The following TAF1C variants were observed in gnomAD, a reference collection of about 807,000 sequenced individuals.
TAF1C encodes TATA box-binding protein-associated factor RNA polymerase I subunit C.
TAF1C carries 79 observed loss-of-function variants against 70.5 expected under a neutral mutation model. The observed-to-expected ratio is 1.12, with a 90% confidence interval of 0.93 to 1.35. The LOEUF (loss-of-function observed/expected upper bound fraction) is 1.35, where lower values mean the gene tolerates loss of function less well. Among genes scored for constraint, TAF1C ranks in the 40% most tolerant of loss-of-function variants. The pLI, the probability that TAF1C is intolerant of heterozygous loss-of-function variation, is 0.00. For missense variants in TAF1C, 1,412 were observed against 1,127.8 expected (o/e 1.25, Z -3.61); for synonymous variants, 614 against 491.1 (o/e 1.25, Z -3.31).
rs754100485 is a variant in TAF1C at position 84,181,042 on chromosome 16, C to G, written c.1308+1G>C. Reference sequence around the variant, plus strand: ...GCGGGGCGGTGTTGTGTGCCACTCACCTGGGTACAGACGAGATGAAGAGTA... The same window carrying G: ...GCGGGGCGGTGTTGTGTGCCACTCAGCTGGGTACAGACGAGATGAAGAGTA... On this transcript the variant is annotated splice_donor_variant, in intron 12 of 14. Transcript: ENST00000566732. LOFTEE classifies it high-confidence loss of function. 1 of 1,604,422 alleles carries G rather than the reference C, an allele frequency of 6.2e-7. No homozygotes were observed.
rs1010247373 is a variant in TAF1C, at chr16:84,182,653, T to C, written c.483-213A>G. Reference sequence around the variant, plus strand: ...ATTCCATTGCCCTTGCCACAGTGACTGGTTCACAGATGGGTGTGAGACCCA... The same window carrying C: ...ATTCCATTGCCCTTGCCACAGTGACCGGTTCACAGATGGGTGTGAGACCCA... On this transcript the variant is annotated intron_variant, in intron 6 of 14. Coordinates refer to ENST00000566732, the MANE Select transcript of TAF1C (RefSeq NM_001243156.2). The surrounding 1 kb of genome is among the most constrained non-coding windows in gnomAD (Gnocchi z 5.0). Among the ~76,000 whole-genome samples the C allele has an allele frequency of 6.6e-6, 1 of 152,218 alleles. No homozygotes were observed. Among genetic ancestry groups the C allele is most frequent in the Non-Finnish European group, 1.5e-5 (1 of 68,032 alleles).
In TAF1C at chr16:84,179,621, G is replaced by C; in HGVS notation, c.1852C>G (p.Leu618Val). The change falls in exon 15 of 15, where the codon CTA (leucine) becomes GTA (valine). Residue 618 changes from leucine (L) to valine (V), a missense_variant. By Grantham distance (32) the Leu-to-Val change is conservative. Coordinates refer to ENST00000566732, the MANE Select transcript of TAF1C (RefSeq NM_001243156.2). Reference sequence around the variant, plus strand: ...ACAGGAGGAGCCAGGGGCACTTTTAGCAGGGCCTTCAGCCACTGGCTGCAG... The same window carrying C: ...ACAGGAGGAGCCAGGGGCACTTTTACCAGGGCCTTCAGCCACTGGCTGCAG... ...AGCSQWLKAL[L>V]KVPLAPPVWT... 1 of 1,612,652 alleles carries C rather than the reference G, an allele frequency of 6.2e-7. No homozygotes were observed. Among genetic ancestry groups the C allele is most frequent in the Non-Finnish European group, 8.5e-7 (1 of 1,179,890 alleles).
rs545963271 is a variant in TAF1C at position 84,181,361 on chromosome 16, A to C, written c.1131T>G (p.Gly377=). 6.2e-6 allele frequency: 10 copies of C among 1,613,710 alleles called. No homozygotes were observed. The South Asian group carries it at 1.1e-4, about 18-fold the overall frequency. The change falls in exon 11 of 15, where the codon GGT becomes GGG. Residue 377 remains glycine (G), a synonymous_variant. Coordinates refer to ENST00000566732, the MANE Select transcript of TAF1C (RefSeq NM_001243156.2). ...CCAGCATCTTCACTCCGGTGCGGTC[A>C]CCCACGGTCAGCACCCGAGGGTGCG... The part of the protein sequence containing the change: ...FTAHPRVLTV[G]DRTGVKMLDT...
chr16:84,181,948 C>T lies in TAF1C; in HGVS notation c.832G>A (p.Gly278Arg). Residue 278 changes from glycine to arginine, a missense_variant, in exon 8 of 15, where the codon GGA becomes AGA. Physicochemically the swap from Gly to Arg is moderately radical, Grantham distance 125 (BLOSUM62 -2). Coordinates refer to ENST00000566732, the MANE Select transcript of TAF1C (RefSeq NM_001243156.2). ...GTGTATATAAGGGCCTTACTTTCTCCCTGGACGGTGCATGTCACCACTTGC... is the reference window on the plus strand; with the variant it reads ...GTGTATATAAGGGCCTTACTTTCTCTCTGGACGGTGCATGTCACCACTTGC... ...VRQVVTCTVQ[G>R]ETLLAVRSDY... The T allele has an allele frequency of 1.2e-6, 2 of 1,613,986 alleles. No individual in the cohort carries two copies. Among genetic ancestry groups the T allele is most frequent in the South Asian group, 1.1e-5 (1 of 91,084 alleles).
intron 2 of TAF1C, among the ~76,000 whole-genome samples, chr16:84,184,480 C>G (rs1032655407): frequency 6.6e-6 from 1 of 152,236 alleles, no homozygotes; most frequent in African/African-American, 2.4e-5. Context: ...CCCAACCCTA[C>G]TATGCTGTTT....
chr16:84,184,333 G>C (rs1291467667), intron 2 of TAF1C, among the ~76,000 whole-genome samples: 3 of 152,100 alleles, frequency 2.0e-5, no homozygotes, highest in Non-Finnish European at 2.9e-5. Flanking sequence ...CTTTTTATTT[G>C]CTCACCCACT....
At chr16:84,180,941 G>GGT in intron 12 of TAF1C, 102 bp downstream of exon 12, 1 of 1,463,104 alleles carries the variant, frequency 6.8e-7, no homozygotes. Context: ...TGGTTTGCTG[G>GGT]GTGGTTGTCT....
In TAF1C at chr16:84,179,360, C is replaced by T. The variant is rs980601428; in HGVS notation, c.2113G>A (p.Ala705Thr). The T allele has an allele frequency of 1.2e-5, 19 of 1,600,634 alleles. 1 individual carries two copies. Among genetic ancestry groups the T allele is most frequent in the Non-Finnish European group, 1.6e-5 (19 of 1,179,082 alleles). Residue 705 changes from alanine to threonine, a missense_variant, in exon 15 of 15, where the codon GCC becomes ACC. By Grantham distance (58) the Ala-to-Thr change is moderately conservative. Coordinates refer to ENST00000566732, the MANE Select transcript of TAF1C (RefSeq NM_001243156.2). Reference protein sequence around the residue: ...LGEAWAGRGAAWWERQQGRTS... With the variant: ...LGEAWAGRGATWWERQQGRTS... ...CTGCCCTGCTGCCTCTCCCACCAGGCAGCCCCTCGGCCTGCCCAGGCTTCC... is the reference window on the plus strand; with the variant it reads ...CTGCCCTGCTGCCTCTCCCACCAGGTAGCCCCTCGGCCTGCCCAGGCTTCC...
rs1305834119 is a variant in TAF1C at position 84,178,263 on chromosome 16, C to T, written c.*678G>A. 6 of 447,624 alleles carry T rather than the reference C, an allele frequency of 1.3e-5. No individual in the cohort carries two copies. Among genetic ancestry groups the T allele is most frequent in the African/African-American group, 6.0e-5 (3 of 50,024 alleles). The allele number at this position is 447,624 out of a possible 1,614,324, so 27.7% of individuals were successfully genotyped here. On this transcript the variant is annotated 3_prime_UTR_variant, in exon 15 of 15. Coordinates refer to ENST00000566732, the MANE Select transcript of TAF1C (RefSeq NM_001243156.2). ...GGGCACTATCGACAGCCCACAGGTG[C>T]CAGACCCATGTCCCAAGGGAGAAGG...
In TAF1C at chr16:84,179,860, G is replaced by C; in HGVS notation, c.1622-9C>G. The C allele has an allele frequency of 1.9e-6, 3 of 1,607,406 alleles. No individual in the cohort carries two copies. Among genetic ancestry groups the C allele is most frequent in the South Asian group, 1.1e-5 (1 of 90,694 alleles). On this transcript the variant is annotated splice_polypyrimidine_tract_variant and intron_variant, in intron 14 of 14. Coordinates refer to ENST00000566732, the MANE Select transcript of TAF1C (RefSeq NM_001243156.2). Reference sequence around the variant, plus strand: ...GACGACGGCAGCCAGACCTGGTGACGGGAATGACAATGACCTCCAGGGCCT... The same window carrying C: ...GACGACGGCAGCCAGACCTGGTGACCGGAATGACAATGACCTCCAGGGCCT...
chr16:84,184,739 C>T, intron 2 of TAF1C, 112 bp downstream of exon 2: 1 of 1,362,004 alleles, frequency 7.3e-7, no homozygotes, highest in Non-Finnish European at 9.9e-7. Flanking sequence ...TCTCAGCAGA[C>T]TCGTGTGAAT....
intron 12 of TAF1C, 141 bp downstream of exon 12, chr16:84,180,902 T>A (rs1443180526): frequency 2.8e-6 from 4 of 1,437,704 alleles, no homozygotes; most frequent in Non-Finnish European, 3.7e-6. Context: ...ACTGCGTGTT[T>A]GGGCCACAGA....
chr16:84,182,475 T>A lies in TAF1C; in HGVS notation c.483-35A>T. The A allele has an allele frequency of 6.4e-7, 1 of 1,573,238 alleles. No homozygotes were observed. Among genetic ancestry groups the A allele is most frequent in the Non-Finnish European group, 8.6e-7 (1 of 1,161,952 alleles). ...AGAGAACAGCAGGAGGATCACTCGG[T>A]GGCACTCAGGGGAGGACAGGTCCCA... On this transcript the variant is annotated intron_variant, in intron 6 of 14. Coordinates refer to ENST00000566732, the MANE Select transcript of TAF1C (RefSeq NM_001243156.2). This position sits in a 1 kb window ranked among gnomAD's most constrained non-coding sequence, Gnocchi z 5.0.
At position 84,183,096 on chromosome 16, in the gene TAF1C, G is replaced by A. The variant is rs777007515; in HGVS notation, c.462C>T (p.Leu154=). The change falls in exon 6 of 15, where the codon CTC becomes CTT. Residue 154 remains leucine, a synonymous_variant. Coordinates refer to ENST00000566732, the MANE Select transcript of TAF1C (RefSeq NM_001243156.2). ...CTTGCCCCCAGGGCTGGTGTCCACC[G>A]AGGTCCTGGAGCAGCTTCTTCACAC... ...VVSVKKLLQD[L]GGHQPWGCPW... is the part of the protein sequence containing the mutation. 6 of 1,614,036 alleles carry A rather than the reference G, an allele frequency of 3.7e-6. No homozygotes were observed. The highest frequency in any genetic ancestry group is 5.1e-6 in the Non-Finnish European group (6 of 1,180,030).
intron 10 of TAF1C, 64 bp downstream of exon 10, chr16:84,181,528 G>C (rs371562361): frequency 1.9e-6 from 3 of 1,613,762 alleles, no homozygotes; most frequent in South Asian, 2.2e-5. Flanking sequence ...CAAGGGTCGC[G>C]ACATGCTCAA....
chr16:84,182,108 C>G lies in TAF1C; in HGVS notation c.722-50G>C. 6.3e-7 allele frequency: 1 copy of G among 1,595,644 alleles called. No individual in the cohort carries two copies. Among genetic ancestry groups the G allele is most frequent in the Non-Finnish European group, 8.6e-7 (1 of 1,169,546 alleles). ...GCACGAGCTATGATCACTGCAAGCC[C>G]CCCAAATTCCTGCCCTTCTCTGGAC... On this transcript the variant is annotated intron_variant, in intron 7 of 14. Transcript: ENST00000566732. This position sits in a 1 kb window ranked among gnomAD's most constrained non-coding sequence, Gnocchi z 5.0.
In TAF1C at chr16:84,182,228, G is replaced by A. The variant is rs757434257; in HGVS notation, c.695C>T (p.Pro232Leu). ...CAGCCTGTCCTGGGCGCCTCCAGCAGGGTAGACCAGCTGCCCGAACTGGGG... is the reference window on the plus strand; with the variant it reads ...CAGCCTGTCCTGGGCGCCTCCAGCAAGGTAGACCAGCTGCCCGAACTGGGG... Reference protein sequence around the residue: ...RTPQFGQLVYPAGGAQDRLHF... With the variant: ...RTPQFGQLVYLAGGAQDRLHF... The change falls in exon 7 of 15, where the codon CCT becomes CTT. Residue 232 changes from proline to leucine, a missense_variant. Physicochemically the swap from Pro to Leu is moderately conservative, Grantham distance 98. Coordinates refer to ENST00000566732, the MANE Select transcript of TAF1C (RefSeq NM_001243156.2). The surrounding 1 kb of genome is among the most constrained non-coding windows in gnomAD (Gnocchi z 5.0). 1.9e-6 allele frequency: 3 copies of A among 1,612,760 alleles called. No individual in the cohort carries two copies. The highest frequency in any genetic ancestry group is 2.5e-6 in the Non-Finnish European group (3 of 1,179,772).
chr16:84,177,968 C>G lies in TAF1C; in HGVS notation c.*973G>C. On this transcript the variant is annotated 3_prime_UTR_variant, in exon 15 of 15. Coordinates refer to ENST00000566732, the MANE Select transcript of TAF1C (RefSeq NM_001243156.2). ...AGCTCCTGTTTGTGTGAGTCACATGCAATTCCTTTCACCAGCCAACCTGAA... is the reference window on the plus strand; with the variant it reads ...AGCTCCTGTTTGTGTGAGTCACATGGAATTCCTTTCACCAGCCAACCTGAA... The G allele has an allele frequency of 2.5e-6, 2 of 804,514 alleles. No homozygotes were observed. The highest frequency in any genetic ancestry group is 2.0e-5 in the Admixed American group (1 of 50,026). 49.8% of individuals were successfully genotyped at this position (804,514 alleles called of 1,614,324 possible).
chr16:84,181,282 C>T (rs778579083), intron 11 of TAF1C, 46 bp downstream of exon 11: 25 of 1,607,030 alleles, frequency 1.6e-5, no homozygotes, highest in East Asian at 2.2e-5. Flanking sequence ...CACCGCTCTG[C>T]GGCCGCTCCC....
Sources: allele counts gnomAD v4.1 joint callset (sites outside exome capture counted in the v4.1 genomes callset), GRCh38; gene constraint gnomAD v4.1.1; non-coding constraint Gnocchi (gnomAD v3.1); transcripts MANE v1.5; gene names NCBI Gene and HGNC (gene_info 2026-07-23, HGNC 2026-07-21).